Variants in PCDHA1 observed in about 807,000 individuals in gnomAD.
PCDHA1 encodes protocadherin alpha 1.
PCDHA1 carries 42 observed loss-of-function variants against 61.3 expected under a neutral mutation model. The observed-to-expected ratio is 0.69, with a 90% CI of 0.54 to 0.89. PCDHA1 has a LOEUF of 0.89. Among genes scored for constraint, PCDHA1 ranks in the 40% least tolerant of loss-of-function variants. The pLI is 0.00. For missense variants in PCDHA1, 1,256 were observed against 1,235.3 expected, an observed-to-expected ratio of 1.02 and a Z score of -0.25; for synonymous variants, 610 against 553.8, an observed-to-expected ratio of 1.10 and a Z score of -1.43.
intron 1 of PCDHA1, chr5:140,927,041 T>G (rs1242687827): frequency 9.9e-6 from 16 of 1,612,338 alleles, no homozygotes; most frequent in Non-Finnish European, 1.0e-5. Context: ...GCGGCCGCTA[T>G]GTCCTCGCGG....
chr5:140,884,113 G>A, intron 1 of PCDHA1: 2 of 1,613,388 alleles, frequency 1.2e-6, no homozygotes, highest in Non-Finnish European at 1.7e-6. Context: ...AGCTGGCGGC[G>A]GTCGGCGCGC....
chr5:140,808,080 T>G, intron 1 of PCDHA1: 1 of 1,614,046 alleles, frequency 6.2e-7, no homozygotes, highest in Non-Finnish European at 8.5e-7. Flanking sequence ...ATAGATCCAA[T>G]TACTGGACAA....
chr5:140,823,878 C>T (rs142924665), intron 1 of PCDHA1: 3 of 1,613,808 alleles, frequency 1.9e-6, no homozygotes, highest in South Asian at 1.1e-5. Context: ...ACCTGATCAT[C>T]GCCATCTGTG....
chr5:140,818,472 A>T (rs1030442669), intron 1 of PCDHA1, among the ~76,000 whole-genome samples: 3 of 152,188 alleles, frequency 2.0e-5, no homozygotes, highest in African/African-American at 7.2e-5. Flanking sequence ...TCCTCCCACA[A>T]AGTTTTCACT....
At position 140,853,718 on chromosome 5, in the gene PCDHA1, C is replaced by T. The variant is rs1472931739; in HGVS notation, c.2394+65034C>T. ...TGCTAACGCATTAGCATTAGCAGCA[C>T]CTAAGTCCTCATTGAATGTTCTGGT... is the stretch of plus-strand genomic sequence containing the variant. On this transcript the variant is annotated intron_variant, in intron 1 of 3. Transcript: ENST00000504120. 3 of 988,280 alleles carry T rather than the reference C, an allele frequency of 3.0e-6. No homozygotes were observed. The African/African-American group carries it at 5.3e-5, about 17-fold the overall frequency. 61.2% of individuals were successfully genotyped at this position (988,280 alleles called of 1,614,324 possible).
intron 1 of PCDHA1, among the ~76,000 whole-genome samples, chr5:140,827,159 G>T (rs13181143): frequency 0.48 from 72,226 of 151,928 alleles, 17,745 homozygotes; most frequent in Middle Eastern, 0.61. Context: ...ATATGGATTT[G>T]TAAATACCTC....
In PCDHA1 at chr5:140,807,332, G is replaced by T. The variant is rs782649273; in HGVS notation, c.2394+18648G>T. Reference sequence around the variant, plus strand: ...ACACGGCACCTTCGTGGGCCGCATCGCGCAGGACCTGGGACTGGAGCTGGC... The same window carrying T: ...ACACGGCACCTTCGTGGGCCGCATCTCGCAGGACCTGGGACTGGAGCTGGC... On this transcript the variant is annotated intron_variant, in intron 1 of 3. Transcript: ENST00000504120. The T allele has an allele frequency of 1.5e-5, 24 of 1,613,480 alleles. No homozygotes were observed. In the African/African-American group the frequency reaches 2.9e-4, roughly 20 times the overall value.
Position 140,834,561 on chromosome 5 carries a change from G to A in PCDHA1, c.2394+45877G>A, listed in dbSNP as rs2150221029. ...CCTGGGGCTGGAGCTGGCGGAGCTG[G>A]TGCCGCGCCTGTTCCGGGCGGTGTG... On this transcript the variant is annotated intron_variant, in intron 1 of 3. Coordinates refer to ENST00000504120, the MANE Select transcript of PCDHA1 (RefSeq NM_018900.4). 3.5e-5 allele frequency: 56 copies of A among 1,614,112 alleles called. No homozygotes were observed. Among genetic ancestry groups the A allele is most frequent in the Admixed American group, 1.5e-4 (9 of 60,010 alleles).
At chr5:140,944,291 G>A (rs155813) in intron 1 of PCDHA1, among the ~76,000 whole-genome samples, 48,239 of 151,966 alleles carry the variant, frequency 0.32, 8,008 homozygotes, top group East Asian at 0.53. Flanking sequence ...GGGCTCAAGC[G>A]ATCCTCCTAC....
At position 140,928,565 on chromosome 5, in the gene PCDHA1, C is replaced by T. The variant is rs1227327620; in HGVS notation, c.2395-50384C>T. 2.5e-6 allele frequency: 4 copies of T among 1,614,038 alleles called. No individual in the cohort carries two copies. The highest frequency in any genetic ancestry group is 3.4e-6 in the Non-Finnish European group (4 of 1,180,038). On this transcript the variant is annotated intron_variant, in intron 1 of 3. Transcript: ENST00000504120. Reference sequence around the variant, plus strand: ...GACAATTATCCGGTTATCTTGTTTCCCTTGCCCAGAAATGGTTCTGTCCCA... The same window carrying T: ...GACAATTATCCGGTTATCTTGTTTCTCTTGCCCAGAAATGGTTCTGTCCCA...
At chr5:140,808,617 T>G in intron 1 of PCDHA1, 1 of 1,613,786 alleles carries the variant, frequency 6.2e-7, no homozygotes, top group South Asian at 1.1e-5. Context: ...ATCTTCACTG[T>G]GTCTGCGTGG....
In PCDHA1 at chr5:141,002,410, T is replaced by C. The variant is rs1034024595; in HGVS notation, c.2543-7217T>C. 2.2e-4 allele frequency among the ~76,000 whole-genome samples: 33 copies of C among 152,326 alleles called. 1 individual carries two copies. The highest frequency in any genetic ancestry group is 7.5e-4 in the African/African-American group (31 of 41,578). On this transcript the variant is annotated intron_variant, in intron 3 of 3. Coordinates refer to ENST00000504120, the MANE Select transcript of PCDHA1 (RefSeq NM_018900.4). The stretch of plus-strand genomic sequence containing the variant: ...TGCTGGCATCTCTGTGCCTCCCAAA[T>C]AGTAGTAACAAAACAGGCAATAACC...
intron 1 of PCDHA1, chr5:140,882,195 T>C: frequency 1.3e-6 from 2 of 1,521,122 alleles, no homozygotes; most frequent in Non-Finnish European, 8.8e-7. Flanking sequence ...GCCATAAAAA[T>C]TGGGCCTTGA....
intron 1 of PCDHA1, chr5:140,870,834 C>G: frequency 6.2e-7 from 1 of 1,613,806 alleles, no homozygotes; most frequent in Non-Finnish European, 8.5e-7. Context: ...GCGCAGTTAA[C>G]AAGCTAGTAC....
At position 140,857,030 on chromosome 5, in the gene PCDHA1, C is replaced by T. The variant is rs370499942; in HGVS notation, c.2394+68346C>T. The T allele has an allele frequency of 4.7e-5, 75 of 1,596,300 alleles. 6 individuals carry two copies. Among genetic ancestry groups the T allele is most frequent in the Non-Finnish European group, 6.0e-5 (70 of 1,166,132 alleles). ...AGATGTTACAGATAAGGGAAACCCA[C>T]CTATGGTTGGTCACTGCACGGTCCT... On this transcript the variant is annotated intron_variant, in intron 1 of 3. Transcript: ENST00000504120.
rs141467414 is a variant in PCDHA1, at chr5:140,797,315, A to T, written c.2394+8631A>T. On this transcript the variant is annotated intron_variant, in intron 1 of 3. Coordinates refer to ENST00000504120, the MANE Select transcript of PCDHA1 (RefSeq NM_018900.4). Reference sequence around the variant, plus strand: ...TTATCTCAAGGTCCAGACTCCGCAGAAGAGAAACAGCTCTCAGAATCAGAA... The same window carrying T: ...TTATCTCAAGGTCCAGACTCCGCAGTAGAGAAACAGCTCTCAGAATCAGAA... The T allele has an allele frequency of 1.7e-4, 277 of 1,614,096 alleles. No homozygotes were observed. The highest frequency in any genetic ancestry group is 2.3e-4 in the Admixed American group (14 of 60,016).
At position 140,788,222 on chromosome 5, in the gene PCDHA1, C is replaced by G. The variant is rs868947386; in HGVS notation, c.1932C>G (p.Arg644=). 8.1e-6 allele frequency: 13 copies of G among 1,614,052 alleles called. No individual in the cohort carries two copies. The Middle Eastern group carries it at 2.1e-3, about 266-fold the overall frequency. ...TCCTGGACGAGGCTGACTTGTCGCG[C>G]TACCGCCTTCTGGTGCTAGTGAAGG... is the stretch of plus-strand genomic sequence containing the variant. ...TRVLDEADLS[R]YRLLVLVKDH... Residue 644 remains arginine, a synonymous_variant, in exon 1 of 4, where the codon CGC becomes CGG. Transcript: ENST00000504120.
rs781787163 is a variant in PCDHA1, at chr5:140,869,186, G to A, written c.2394+80502G>A. 7 of 1,614,006 alleles carry A rather than the reference G, an allele frequency of 4.3e-6. No individual in the cohort carries two copies. The South Asian group carries it at 4.4e-5, about 10-fold the overall frequency. ...CTCCTCGAATTCTGGGAGGTGGGGA[G>A]CGGCCAGCTCCACTACTCCGTCTCG... On this transcript the variant is annotated intron_variant, in intron 1 of 3. Transcript: ENST00000504120.
chr5:140,964,000 T>C (rs900134447), intron 1 of PCDHA1, among the ~76,000 whole-genome samples: 2 of 152,218 alleles, frequency 1.3e-5, no homozygotes, highest in African/African-American at 2.4e-5. Flanking sequence ...TACTGTGTTC[T>C]ACTTTTTAAT....
Sources: gnomAD v4.1 joint callset for allele counts (sites outside exome capture counted in the v4.1 genomes callset) on GRCh38, gnomAD v4.1.1 for gene constraint, MANE v1.5 for transcripts, NCBI Gene and HGNC (gene_info 2026-07-23, HGNC 2026-07-21) for gene names.